The following LRP1B variants were observed in gnomAD, a reference collection of about 807,000 sequenced individuals.
The protein encoded by LRP1B is LDL receptor related protein 1B, also known as low-density lipoprotein receptor-related protein 1B.
A neutral mutation model predicts 556.6 loss-of-function variants in LRP1B; 217 were observed. The ratio of observed to expected loss-of-function variants is 0.39; its 90% confidence interval spans 0.35 to 0.44. The LOEUF (loss-of-function observed/expected upper bound fraction) is 0.44, where lower values mean the gene tolerates loss of function less well. LRP1B is among the 20% of genes least tolerant of loss of function. LRP1B has a pLI of 1.00. For missense variants in LRP1B, 5,053 were observed against 5,620.8 expected (o/e 0.90, Z 3.23); for synonymous variants, 2,047 against 1,865.8 (o/e 1.10, Z -2.50).
chr2:141,832,011 T>A (rs74875823), intron 1 of LRP1B, among the ~76,000 whole-genome samples: 1 of 151,820 alleles, frequency 6.6e-6, no homozygotes, highest in Non-Finnish European at 1.5e-5. Context: ...TACTGGAGCC[T>A]TGACCAATGG....
At chr2:141,869,227 G>GA (rs756347113) in intron 1 of LRP1B, among the ~76,000 whole-genome samples, 57 of 152,080 alleles carry the variant, frequency 3.7e-4, no homozygotes, top group African/African-American at 1.3e-3. Flanking sequence ...TGTAGCTATT[G>GA]AGCAGCTGAA....
chr2:141,462,490 T>C (rs1458422586), intron 3 of LRP1B, among the ~76,000 whole-genome samples: 1 of 150,052 alleles, frequency 6.7e-6, no homozygotes, highest in Admixed American at 6.7e-5. Context: ...CCAGGGCCTG[T>C]TGGGGGGTGG....
At chr2:140,574,598 T>G (rs575616418) in intron 43 of LRP1B, among the ~76,000 whole-genome samples, 1 of 152,326 alleles carries the variant, frequency 6.6e-6, no homozygotes, top group East Asian at 1.9e-4. Context: ...TCATTTTAGT[T>G]AATTTAAGTT....
intron 1 of LRP1B, among the ~76,000 whole-genome samples, chr2:142,003,911 A>G (rs901710008): frequency 2.0e-5 from 3 of 152,206 alleles, no homozygotes; most frequent in African/African-American, 7.2e-5. Flanking sequence ...TGCTGCCTTC[A>G]CTTTTGTGGA....
At chr2:141,147,292 C>G (rs1177671709) in intron 7 of LRP1B, among the ~76,000 whole-genome samples, 1 of 152,118 alleles carries the variant, frequency 6.6e-6, no homozygotes, top group Non-Finnish European at 1.5e-5. Context: ...TTCTCTCACC[C>G]CTTTGAAAGC....
At chr2:141,791,981 C>T (rs146576643) in intron 2 of LRP1B, among the ~76,000 whole-genome samples, 1 of 151,784 alleles carries the variant, frequency 6.6e-6, no homozygotes, top group Non-Finnish European at 1.5e-5. Flanking sequence ...GGTAAGTGCA[C>T]GTTTGGCAGT....
chr2:141,109,727 A>G (rs1242792578), intron 7 of LRP1B, among the ~76,000 whole-genome samples: 1 of 152,160 alleles, frequency 6.6e-6, no homozygotes, highest in African/African-American at 2.4e-5. Context: ...AGGAAAGTGA[A>G]GACTGTCATG....
intron 24 of LRP1B, among the ~76,000 whole-genome samples, chr2:140,884,396 A>C (rs1283406758): frequency 6.6e-6 from 1 of 152,190 alleles, no homozygotes; most frequent in Non-Finnish European, 1.5e-5. Flanking sequence ...GTGCAACTTA[A>C]CTCAAATGTT....
chr2:141,323,853 A>C (rs566488753), intron 3 of LRP1B, among the ~76,000 whole-genome samples: 38 of 151,580 alleles, frequency 2.5e-4, no homozygotes, highest in Non-Finnish European at 4.0e-4. Flanking sequence ...GCAAAGGAAA[A>C]CACACACACA....
intron 6 of LRP1B, among the ~76,000 whole-genome samples, chr2:141,190,723 T>C (rs1345113129): frequency 6.6e-6 from 1 of 151,918 alleles, no homozygotes; most frequent in Non-Finnish European, 1.5e-5. Flanking sequence ...TTTTTAACTT[T>C]TGAAAATTAT....
At chr2:141,234,795 G>A (rs1246206210) in intron 5 of LRP1B, among the ~76,000 whole-genome samples, 1 of 151,744 alleles carries the variant, frequency 6.6e-6, no homozygotes, top group Non-Finnish European at 1.5e-5. Flanking sequence ...TCATGGTGTG[G>A]AGAAAAAATA....
At chr2:140,827,149 C>A (rs1691537208) in intron 31 of LRP1B, among the ~76,000 whole-genome samples, 1 of 152,120 alleles carries the variant, frequency 6.6e-6, no homozygotes, top group Non-Finnish European at 1.5e-5. Context: ...TCTAAGCAAA[C>A]ATACCCTAGA....
At chr2:141,932,986 T>C (rs1700544936) in intron 1 of LRP1B, among the ~76,000 whole-genome samples, 1 of 152,088 alleles carries the variant, frequency 6.6e-6, no homozygotes, top group Admixed American at 6.6e-5. Context: ...TGCTTGTTTA[T>C]GTAACTGTTA....
chr2:141,747,932 A>T (rs1422642541), intron 2 of LRP1B, among the ~76,000 whole-genome samples: 1 of 152,146 alleles, frequency 6.6e-6, no homozygotes, highest in Admixed American at 6.6e-5. Flanking sequence ...GAGAGGCATG[A>T]AACAATCTAG....
chr2:140,748,827 T>G (rs1259701339), intron 35 of LRP1B, among the ~76,000 whole-genome samples: 4 of 80,026 alleles, frequency 5.0e-5, no homozygotes, highest in Non-Finnish European at 5.2e-5. Flanking sequence ...ATAATATATA[T>G]CATATATTAT....
chr2:140,437,930 A>G (rs1388848913), intron 66 of LRP1B, among the ~76,000 whole-genome samples: 1 of 152,182 alleles, frequency 6.6e-6, no homozygotes, highest in Non-Finnish European at 1.5e-5. Context: ...TATTTGTTAT[A>G]TAACTTATAT....
intron 7 of LRP1B, among the ~76,000 whole-genome samples, chr2:141,156,403 G>A (rs1297038008): frequency 6.6e-6 from 1 of 152,046 alleles, no homozygotes; most frequent in Non-Finnish European, 1.5e-5. Context: ...GAGACAGGTG[G>A]ATCACCTGAA....
chr2:140,267,493 T>C (rs1282547395), intron 86 of LRP1B, among the ~76,000 whole-genome samples: 1 of 151,990 alleles, frequency 6.6e-6, no homozygotes, highest in African/African-American at 2.4e-5. Flanking sequence ...CCTAACACAA[T>C]GTAAATGCTA....
At chr2:142,104,547 T>TA (rs1213793768) in intron 1 of LRP1B, among the ~76,000 whole-genome samples, 3 of 152,138 alleles carry the variant, frequency 2.0e-5, no homozygotes, top group Admixed American at 1.3e-4. Context: ...TGAGTGTTTA[T>TA]ATAAGATGGA....
Sources: gnomAD v4.1 joint callset for allele counts (sites outside exome capture counted in the v4.1 genomes callset) on GRCh38, gnomAD v4.1.1 for gene constraint, MANE v1.5 for transcripts, NCBI Gene and HGNC (gene_info 2026-07-23, HGNC 2026-07-21) for gene names.